Variants in ART3 observed in about 807,000 individuals in gnomAD.
The protein encoded by ART3 is ADP-ribosyltransferase 3 (inactive).
In ART3, 49 loss-of-function variants were observed where a neutral mutation model predicts 48.5. The ratio of observed to expected loss-of-function variants is 1.01; its 90% CI spans 0.80 to 1.28. The LOEUF is 1.28. ART3 is among the 50% of genes most tolerant of loss of function. The pLI, the probability that ART3 is intolerant of heterozygous loss-of-function variation, is 0.00. For missense variants in ART3, 438 were observed against 454.3 expected, an observed-to-expected ratio of 0.96 and a Z score of 0.33; for synonymous variants, 145 against 157.2, an observed-to-expected ratio of 0.92 and a Z score of 0.58.
upstream of ART3, among the ~76,000 whole-genome samples, chr4:76,074,430 C>T (rs1315759287): frequency 1.3e-5 from 2 of 152,082 alleles, no homozygotes; most frequent in African/African-American, 2.4e-5. Flanking sequence ...AAAATCCATG[C>T]TTTAGTTTGA....
chr4:76,045,128 A>C (rs191898884), intron 1 of ART3, among the ~76,000 whole-genome samples: 2 of 152,072 alleles, frequency 1.3e-5, no homozygotes, highest in African/African-American at 4.8e-5. Context: ...ACTATGGCGT[A>C]ACCTGCCCTT....
chr4:76,080,492 A>G (rs1191570157), intron 2 of ART3, among the ~76,000 whole-genome samples: 2 of 151,922 alleles, frequency 1.3e-5, no homozygotes, highest in Non-Finnish European at 2.9e-5. Flanking sequence ...TATTTCCTCC[A>G]CTTTGTCTTC....
intron 1 of ART3, chr4:76,022,320 G>T (rs1732919933): frequency 1.4e-6 from 2 of 1,480,762 alleles, no homozygotes; most frequent in East Asian, 4.5e-5. Context: ...TCCCAAGATT[G>T]CCGTTTCCTA....
chr4:76,025,677 A>C (rs1733314089), intron 1 of ART3, among the ~76,000 whole-genome samples: 1 of 152,158 alleles, frequency 6.6e-6, no homozygotes, highest in Admixed American at 6.6e-5. Flanking sequence ...TGTGCAAGAC[A>C]TCTTTTGCTC....
intron 1 of ART3, among the ~76,000 whole-genome samples, chr4:76,051,018 G>A (rs1282017384): frequency 1.3e-5 from 2 of 152,238 alleles, no homozygotes; most frequent in Non-Finnish European, 2.9e-5. Flanking sequence ...GCGCAGCCCT[G>A]GTTCCCGCTG....
intron 1 of ART3, among the ~76,000 whole-genome samples, chr4:76,045,729 C>T (rs566408103): frequency 9.9e-5 from 15 of 152,084 alleles, no homozygotes; most frequent in South Asian, 4.2e-4. Context: ...GGTTCCCTTT[C>T]AACTAGATGA....
At chr4:76,020,626 A>G (rs919566933) in intron 1 of ART3, among the ~76,000 whole-genome samples, 6 of 152,210 alleles carry the variant, frequency 3.9e-5, no homozygotes, top group Non-Finnish European at 7.3e-5. Flanking sequence ...CAGGGAGAGG[A>G]GAATTAGTTT....
At chr4:76,078,012 C>T (rs1183938506) in intron 2 of ART3, among the ~76,000 whole-genome samples, 1 of 150,886 alleles carries the variant, frequency 6.6e-6, no homozygotes, top group Non-Finnish European at 1.5e-5. Flanking sequence ...CAGTTTCTCT[C>T]CTTGACCTTT....
intron 1 of ART3, chr4:76,041,079 T>C (rs769671078): frequency 3.3e-5 from 5 of 152,246 alleles, no homozygotes; most frequent in Non-Finnish European, 5.9e-5. Flanking sequence ...GGCACTCTTT[T>C]GGGTATTAGA....
At chr4:76,097,115 A>G (rs2149652045) in intron 3 of ART3, among the ~76,000 whole-genome samples, 1 of 152,348 alleles carries the variant, frequency 6.6e-6, no homozygotes, top group Non-Finnish European at 1.5e-5. Flanking sequence ...ACAGATAAGA[A>G]AACTGAATTC....
intron 1 of ART3, among the ~76,000 whole-genome samples, chr4:76,059,361 T>C (rs992147161): frequency 2.9e-5 from 3 of 102,794 alleles, no homozygotes; most frequent in African/African-American, 1.1e-4. Context: ...TATTTTCTCT[T>C]GTTTTTTTTT....
chr4:76,100,771 G>A lies in ART3; in HGVS notation c.878-24G>A, dbSNP rs981373355. On this transcript the variant is annotated intron_variant, in intron 6 of 11. Transcript: ENST00000355810. The stretch of plus-strand genomic sequence containing the variant: ...ATTCTTTTGTTCCTTCGTTAAAACT[G>A]ATGAGCTTCTTTTTGTGACTCAGGT... The A allele has an allele frequency of 1.9e-6, 3 of 1,606,462 alleles. No individual in the cohort carries two copies. The African/African-American group carries it at 4.0e-5, about 22-fold the overall frequency.
upstream of ART3, among the ~76,000 whole-genome samples, chr4:76,071,918 T>C (rs757744874): frequency 1.3e-5 from 2 of 152,072 alleles, no homozygotes; most frequent in African/African-American, 2.4e-5. Context: ...TTTTTTTTTG[T>C]TTTTGTTTTT....
chr4:76,015,640 T>C (rs1425281083), intron 1 of ART3, among the ~76,000 whole-genome samples: 1 of 152,204 alleles, frequency 6.6e-6, no homozygotes, highest in Non-Finnish European at 1.5e-5. Context: ...TTTGATTTGC[T>C]TTGGTTTGTT....
chr4:76,052,645 TGTC>T (rs765112116), intron 1 of ART3, among the ~76,000 whole-genome samples: 7 of 152,062 alleles, frequency 4.6e-5, no homozygotes, highest in Non-Finnish European at 7.4e-5. Flanking sequence ...CCATACTCTA[TGTC>T]TATGTGTACA....
At chr4:76,034,767 C>T (rs1560585580) in intron 1 of ART3, 3 of 1,492,000 alleles carry the variant, frequency 2.0e-6, no homozygotes, top group Admixed American at 1.8e-5. Flanking sequence ...ATGCTCTTTT[C>T]CAGGACTTCA....
chr4:76,109,869 T>C (rs4859423), intron 11 of ART3, among the ~76,000 whole-genome samples: 31,960 of 152,190 alleles, frequency 0.21, 4,103 homozygotes, highest in African/African-American at 0.33. Flanking sequence ...GGCAAGTACA[T>C]TGATAATATG....
chr4:76,068,718 G>A (rs1226803507), intron 1 of ART3, among the ~76,000 whole-genome samples: 1 of 151,894 alleles, frequency 6.6e-6, no homozygotes, highest in Admixed American at 6.6e-5. Context: ...TGAAGTAATG[G>A]GTACAACAAA....
intron 5 of ART3, 65 bp from the exon 6 acceptor site, chr4:76,100,226 C>A: frequency 6.7e-7 from 1 of 1,497,770 alleles, no homozygotes; most frequent in Non-Finnish European, 9.2e-7. Flanking sequence ...TTTGCTGTAG[C>A]AATAGTAACT....
Sources: allele counts gnomAD v4.1 joint callset (sites outside exome capture counted in the v4.1 genomes callset), GRCh38; gene constraint gnomAD v4.1.1; transcripts MANE v1.5; gene names NCBI Gene and HGNC (gene_info 2026-07-23, HGNC 2026-07-21).